Variants in AOPEP observed in about 807,000 individuals in gnomAD.
The protein encoded by AOPEP is aminopeptidase O.
Under a neutral mutation model 98.1 loss-of-function variants are expected in AOPEP, and 77 were observed. That is an observed-to-expected ratio of 0.78 (90% CI 0.65 to 0.95). AOPEP has a LOEUF of 0.95. AOPEP is among the 40% of genes least tolerant of loss of function. The probability of loss-of-function intolerance (pLI) is 0.00; values close to 1 mark genes in which losing one functional copy is unlikely to be tolerated. For synonymous variants in AOPEP, 346 were observed against 365.3 expected (o/e 0.95, Z 0.60); for missense variants, 1,024 against 1,024.7 (o/e 1.00, Z 0.01).
chr9:95,052,581 A>G (rs1223121462), intron 13 of AOPEP, among the ~76,000 whole-genome samples: 1 of 152,248 alleles, frequency 6.6e-6, no homozygotes, highest in East Asian at 1.9e-4. Context: ...CACCAGGAAT[A>G]TAGGGCTGTA....
the AOPEP span, among the ~76,000 whole-genome samples, chr9:95,129,591 GAAATA>G: frequency 6.6e-6 from 1 of 152,180 alleles, no homozygotes; most frequent in African/African-American, 2.4e-5. Context: ...TAAAAGCGGG[GAAATA>G]AAATAAACCT....
chr9:94,756,540 G>C (rs1837097828), intron 1 of AOPEP, among the ~76,000 whole-genome samples: 1 of 152,194 alleles, frequency 6.6e-6, no homozygotes, highest in Non-Finnish European at 1.5e-5. Context: ...CATTGAAGGG[G>C]AGAAAATGTT....
In AOPEP at chr9:95,039,938, CT is replaced by C; in HGVS notation, c.2116-20752del. ...AGTTATTGCATGATTGATGTGTTTC[CT>C]TTTCCCACAGAACTAAAGCATGTTA... On this transcript the variant is annotated intron_variant, in intron 13 of 16. Transcript: ENST00000375315. 1.3e-5 allele frequency among the ~76,000 whole-genome samples: 2 copies of C among 152,158 alleles called. 1 individual carries two copies. The highest frequency in any genetic ancestry group is 3.8e-4 in the East Asian group (2 of 5,200).
chr9:95,097,113 T>C, the AOPEP span, among the ~76,000 whole-genome samples: 2,178 of 152,338 alleles, frequency 0.014, 51 homozygotes, highest in African/African-American at 0.049. Context: ...AAAGTGCTCA[T>C]GGTGCTGCAT....
At chr9:94,833,315 G>A (rs964836154) in intron 5 of AOPEP, among the ~76,000 whole-genome samples, 1 of 137,200 alleles carries the variant, frequency 7.3e-6, no homozygotes, top group Non-Finnish European at 1.5e-5. Context: ...TCAGCTCACG[G>A]CAACCTTTGC....
chr9:95,083,370 A>AGCACACGCG (rs1289929456), intron 16 of AOPEP, among the ~76,000 whole-genome samples: 3 of 148,834 alleles, frequency 2.0e-5, no homozygotes, highest in Non-Finnish European at 4.5e-5. Context: ...CACCACACAG[A>AGCACACGCG]GCACACGCGG....
chr9:94,846,651 A>G (rs540632526), intron 5 of AOPEP, among the ~76,000 whole-genome samples: 1 of 152,224 alleles, frequency 6.6e-6, no homozygotes. Context: ...CACGCCCGTA[A>G]TCCTAGCACT....
chr9:95,069,468 A>G (rs368344386), intron 14 of AOPEP, among the ~76,000 whole-genome samples: 161 of 147,738 alleles, frequency 1.1e-3, no homozygotes, highest in African/African-American at 4.0e-3. Flanking sequence ...TAGCCATTCA[A>G]TGAGAGTCTT....
intron 11 of AOPEP, among the ~76,000 whole-genome samples, chr9:94,988,171 C>CT (rs2060639425): frequency 6.6e-6 from 1 of 152,184 alleles, no homozygotes; most frequent in African/African-American, 2.4e-5. Context: ...TGGTGTCTGT[C>CT]TATCCAGAGA....
intron 4 of AOPEP, among the ~76,000 whole-genome samples, chr9:94,793,824 A>C (rs1405642564): frequency 6.6e-6 from 1 of 152,258 alleles, no homozygotes; most frequent in Non-Finnish European, 1.5e-5. Context: ...GGCTAAATTC[A>C]AGGAATCCTC....
chr9:95,057,456 T>C (rs2066924138), intron 13 of AOPEP, among the ~76,000 whole-genome samples: 1 of 152,274 alleles, frequency 6.6e-6, no homozygotes, highest in Admixed American at 6.5e-5. Flanking sequence ...ACGTGGTCTC[T>C]TTCATTTGCT....
At chr9:95,055,073 A>G (rs74886083) in intron 13 of AOPEP, among the ~76,000 whole-genome samples, 1,867 of 152,328 alleles carry the variant, frequency 0.012, 41 homozygotes, top group African/African-American at 0.042. Flanking sequence ...TTCAGCAGCA[A>G]TTCAAACCAA....
intron 1 of AOPEP, among the ~76,000 whole-genome samples, chr9:94,743,374 C>T (rs933161560): frequency 6.6e-6 from 1 of 152,108 alleles, no homozygotes; most frequent in African/African-American, 2.4e-5. Context: ...TGAGGTTAAA[C>T]TAGACTTGGC....
intron 14 of AOPEP, among the ~76,000 whole-genome samples, chr9:95,077,619 G>T (rs1260085180): frequency 6.6e-6 from 1 of 152,210 alleles, no homozygotes; most frequent in African/African-American, 2.4e-5. Context: ...GTGGAACTCT[G>T]TGGCCCCACC....
chr9:95,011,823 CAAAA>C (rs748502218), intron 13 of AOPEP, among the ~76,000 whole-genome samples: 2 of 151,482 alleles, frequency 1.3e-5, no homozygotes, highest in East Asian at 1.9e-4. Flanking sequence ...AAAACAAAAA[CAAAA>C]AAAATCTATA....
At chr9:94,971,601 T>C (rs536283614) in intron 10 of AOPEP, among the ~76,000 whole-genome samples, 1 of 152,342 alleles carries the variant, frequency 6.6e-6, no homozygotes, top group African/African-American at 2.4e-5. Context: ...TGAACTGTTC[T>C]GATGAGGCAA....
intron 7 of AOPEP, among the ~76,000 whole-genome samples, chr9:94,950,941 C>G (rs2058057030): frequency 6.6e-6 from 1 of 152,200 alleles, no homozygotes; most frequent in Non-Finnish European, 1.5e-5. Flanking sequence ...TTCAGGAGGC[C>G]CGATTCGAAA....
chr9:95,111,353 C>T, the AOPEP span: 2 of 1,598,200 alleles, frequency 1.3e-6, no homozygotes, highest in Non-Finnish European at 1.7e-6. Context: ...CATCTGTGGG[C>T]AGAGCTCAGG....
intron 14 of AOPEP, among the ~76,000 whole-genome samples, chr9:95,066,590 G>A (rs1346684323): frequency 6.6e-6 from 1 of 152,130 alleles, no homozygotes; most frequent in Non-Finnish European, 1.5e-5. Context: ...GCCACTGGTT[G>A]CAGAGTGTCC....
Sources: gnomAD v4.1 joint callset for allele counts (sites outside exome capture counted in the v4.1 genomes callset) on GRCh38, gnomAD v4.1.1 for gene constraint, MANE v1.5 for transcripts, NCBI Gene and HGNC (gene_info 2026-07-23, HGNC 2026-07-21) for gene names.